TUFT1: variants seen among roughly 807,000 people sequenced by gnomAD.
TUFT1 encodes the protein tuftelin 1.
TUFT1 carries 43 observed loss-of-function variants against 57.8 expected under a neutral mutation model. The observed-to-expected ratio is 0.74, with a 90% CI of 0.58 to 0.96. TUFT1 has a LOEUF of 0.96. Ranked by LOEUF, TUFT1 falls within the 40% of genes least tolerant of loss-of-function variation. The pLI is 0.00. For synonymous variants in TUFT1, 166 were observed against 176.7 expected (o/e 0.94, Z 0.48); for missense variants, 459 against 489.0 (o/e 0.94, Z 0.58).
intron 10 of TUFT1, among the ~76,000 whole-genome samples, chr1:151,579,113 A>G (rs1003889240): frequency 6.6e-6 from 1 of 152,234 alleles, no homozygotes; most frequent in East Asian, 1.9e-4. Context: ...GTTGAGTCAT[A>G]ATAAACTCTG....
chr1:151,571,823 C>T (rs1275433710), intron 7 of TUFT1, among the ~76,000 whole-genome samples: 4 of 152,216 alleles, frequency 2.6e-5, no homozygotes, highest in South Asian at 2.1e-4. Flanking sequence ...GCCCTGACAG[C>T]TATAGCCCAC....
chr1:151,566,308 TTCTCTC>T (rs57179871), intron 6 of TUFT1, 80 bp downstream of exon 6: 27 of 908,164 alleles, frequency 3.0e-5, no homozygotes, highest in South Asian at 3.1e-5. Flanking sequence ...GTTTATTGCT[TTCTCTC>T]TCTCTCTCTC....
At chr1:151,578,047 G>GGTCGGAGAGGGAAATCCTAGC (rs1666533012) in intron 9 of TUFT1, among the ~76,000 whole-genome samples, 1 of 151,366 alleles carries the variant, frequency 6.6e-6, no homozygotes, top group Admixed American at 6.6e-5. Flanking sequence ...AAAAAGAAAA[G>GGTCGGAGAGGGAAATCCTAGC]GTCGGAGAGG....
intron 1 of TUFT1, among the ~76,000 whole-genome samples, chr1:151,549,898 T>C (rs1276519035): frequency 6.6e-6 from 1 of 152,186 alleles, no homozygotes; most frequent in African/African-American, 2.4e-5. Context: ...ATTTTTGTAC[T>C]TTTTGTAGAG....
At chr1:151,578,881 C>G in intron 10 of TUFT1, 55 bp downstream of exon 10, 2 of 1,409,380 alleles carry the variant, frequency 1.4e-6, no homozygotes, top group Non-Finnish European at 1.9e-6. Context: ...AGTCTATGCT[C>G]TTATTTGTTT....
intron 11 of TUFT1, 87 bp from the exon 12 acceptor site, chr1:151,580,855 A>G (rs1273563196): frequency 3.4e-6 from 4 of 1,187,854 alleles, no homozygotes; most frequent in Non-Finnish European, 5.0e-6. Context: ...GCATAAACAC[A>G]GGCAGAGAGA....
chr1:151,563,816 C>T (rs1665974127), intron 3 of TUFT1, 88 bp from the exon 4 acceptor site: 3 of 1,095,816 alleles, frequency 2.7e-6, no homozygotes, highest in Non-Finnish European at 4.2e-6. Context: ...TAACAATTTA[C>T]CCTCCCACCA....
chr1:151,556,939 A>T (rs978340443), intron 1 of TUFT1, among the ~76,000 whole-genome samples: 9 of 152,098 alleles, frequency 5.9e-5, no homozygotes, highest in Admixed American at 1.3e-4. Flanking sequence ...GCGTCACTGT[A>T]CTCCAGCCTG....
At position 151,572,552 on chromosome 1, in the gene TUFT1, CT is replaced by C. The variant is rs1325866473; in HGVS notation, c.595-1717del. Among the ~76,000 whole-genome samples the C allele has an allele frequency of 2.0e-5, 3 of 152,106 alleles. No individual in the cohort carries two copies. The East Asian group carries it at 5.8e-4, about 29-fold the overall frequency. On this transcript the variant is annotated intron_variant, in intron 7 of 12. Coordinates refer to ENST00000368849, the MANE Select transcript of TUFT1 (RefSeq NM_020127.3). ...AAAGGCCTTACTTTTAAGTTCCTGC[CT>C]ATGGGGATGGCCTATTTCAGGTTAA...
intron 1 of TUFT1, chr1:151,561,882 C>T: frequency 6.6e-7 from 1 of 1,517,012 alleles, no homozygotes; most frequent in Non-Finnish European, 8.8e-7. Flanking sequence ...AAAGAAAAAA[C>T]TGTTGGGTGG....
intron 1 of TUFT1, chr1:151,557,539 C>T (rs1180774122): frequency 3.7e-5 from 45 of 1,213,202 alleles, no homozygotes; most frequent in South Asian, 4.8e-5. Context: ...GCCTAAGCAC[C>T]GGGAGCTGGC....
At chr1:151,578,942 G>C in intron 10 of TUFT1, 116 bp downstream of exon 10, 1 of 763,858 alleles carries the variant, frequency 1.3e-6, no homozygotes, top group Non-Finnish European at 2.1e-6. Context: ...AACATTTATA[G>C]CTACCAATTA....
chr1:151,561,701 T>A, intron 1 of TUFT1: 1 of 1,292,856 alleles, frequency 7.7e-7, no homozygotes, highest in Non-Finnish European at 1.0e-6. Context: ...ATCAATAACT[T>A]GCTGGCTGGT....
At position 151,581,763 on chromosome 1, in the gene TUFT1, T is replaced by G. The variant is rs1666652797; in HGVS notation, c.*56T>G. On this transcript the variant is annotated 3_prime_UTR_variant, in exon 13 of 13. Coordinates refer to ENST00000368849, the MANE Select transcript of TUFT1 (RefSeq NM_020127.3). ...CTGCCTCTGCCTCGGAGAAGCCCAC[T>G]GCCCCTGTTGGCTGTTAACACTGCC... is the stretch of plus-strand genomic sequence containing the variant. 1.3e-6 allele frequency: 2 copies of G among 1,570,102 alleles called. No individual in the cohort carries two copies. The highest frequency in any genetic ancestry group is 1.8e-6 in the Non-Finnish European group (2 of 1,140,378).
chr1:151,574,819 G>A (rs1367948186), intron 8 of TUFT1, 92 bp from the exon 9 acceptor site: 19 of 1,103,736 alleles, frequency 1.7e-5, no homozygotes, highest in Non-Finnish European at 2.1e-5. Flanking sequence ...AGGCCCAGTA[G>A]GGGCTGAGTC....
chr1:151,564,287 C>G (rs1038409262), intron 4 of TUFT1, among the ~76,000 whole-genome samples: 1 of 152,184 alleles, frequency 6.6e-6, no homozygotes, highest in African/African-American at 2.4e-5. Flanking sequence ...CTCGTTGGCA[C>G]TTATGCCCAT....
At chr1:151,550,470 G>C (rs773575084) in intron 1 of TUFT1, among the ~76,000 whole-genome samples, 2 of 151,938 alleles carry the variant, frequency 1.3e-5, no homozygotes, top group Non-Finnish European at 2.9e-5. Context: ...TCAGTTTCCC[G>C]AGTAGCTGGG....
intron 1 of TUFT1, among the ~76,000 whole-genome samples, chr1:151,560,956 TTGTGTGTGTGTGTGTGTGTGTGTGTG>T (rs68056033): frequency 9.1e-5 from 12 of 132,448 alleles, no homozygotes; most frequent in African/African-American, 2.7e-4. Context: ...CTGCAAAGTA[TTGTGTGTGTGTGTGTGTGTGTGTGTG>T]TGTGTGTGTG....
In TUFT1 at chr1:151,558,901, C is replaced by T. The variant is rs928505577; in HGVS notation, c.61-3190C>T. Among the ~76,000 whole-genome samples the T allele has an allele frequency of 3.9e-5, 6 of 151,936 alleles. 1 individual carries two copies. The highest frequency in any genetic ancestry group is 1.2e-4 in the African/African-American group (5 of 41,342). Reference sequence around the variant, plus strand: ...CTAGGTTCAAGCGATTCTCCTGCCTCAGCCTCCCTAGTAGCTGGGATTACA... The same window carrying T: ...CTAGGTTCAAGCGATTCTCCTGCCTTAGCCTCCCTAGTAGCTGGGATTACA... On this transcript the variant is annotated intron_variant, in intron 1 of 12. Coordinates refer to ENST00000368849, the MANE Select transcript of TUFT1 (RefSeq NM_020127.3).
Sources: allele counts gnomAD v4.1 joint callset (sites outside exome capture counted in the v4.1 genomes callset), GRCh38; gene constraint gnomAD v4.1.1; transcripts MANE v1.5; gene names NCBI Gene and HGNC (gene_info 2026-07-23, HGNC 2026-07-21).